PITPNM3: variants seen among roughly 807,000 people sequenced by gnomAD.
PITPNM3 encodes PITPNM family member 3.
In PITPNM3, 26 loss-of-function variants were observed where a neutral mutation model predicts 102.0. The ratio of observed to expected loss-of-function variants is 0.25; its 90% CI spans 0.19 to 0.35. The LOEUF (loss-of-function observed/expected upper bound fraction) is 0.35, where lower values mean the gene tolerates loss of function less well. PITPNM3 is among the 10% of genes least tolerant of loss of function. PITPNM3 has a pLI of 1.00. For synonymous variants in PITPNM3, 578 were observed against 558.6 expected (o/e 1.03, Z -0.49); for missense variants, 1,083 against 1,346.1 (o/e 0.80, Z 3.06).
At chr17:6,530,103 G>C (rs911095346) in intron 2 of PITPNM3, among the ~76,000 whole-genome samples, 1 of 152,210 alleles carries the variant, frequency 6.6e-6, no homozygotes, top group Non-Finnish European at 1.5e-5. Context: ...AGGAACCTGA[G>C]GCTCAGAGAC....
At chr17:6,473,029 A>G (rs1270287589) in intron 10 of PITPNM3, among the ~76,000 whole-genome samples, 5 of 152,204 alleles carry the variant, frequency 3.3e-5, no homozygotes, top group African/African-American at 1.2e-4. Flanking sequence ...CCAGCACTGC[A>G]GCCGTGCTGC....
intron 1 of PITPNM3, among the ~76,000 whole-genome samples, chr17:6,544,863 ACT>A (rs1388271109): frequency 7.5e-5 from 2 of 26,814 alleles, no homozygotes; most frequent in South Asian, 2.9e-3. Context: ...ACACACACAC[ACT>A]CACACACACA....
chr17:6,470,746 G>A lies in PITPNM3; in HGVS notation c.1625-338C>T, dbSNP rs140032663. On this transcript the variant is annotated intron_variant, in intron 12 of 19. Coordinates refer to ENST00000262483, the MANE Select transcript of PITPNM3 (RefSeq NM_031220.4). The surrounding 1 kb of genome is among the most constrained non-coding windows in gnomAD (Gnocchi z 4.8). ...GTTGGCGCTGAGTCTATGTCTGGAA[G>A]GTTCAGCACTTCCTTAATGGTCAGA... Among the ~76,000 whole-genome samples the A allele has an allele frequency of 2.1e-3, 313 of 152,326 alleles. 1 individual carries two copies. Among genetic ancestry groups the A allele is most frequent in the African/African-American group, 7.0e-3 (292 of 41,570 alleles).
At chr17:6,467,082 A>AAAAAAAAAAAAAAAAAAAAAC (rs1904821435) in intron 14 of PITPNM3, among the ~76,000 whole-genome samples, 2 of 122,836 alleles carry the variant, frequency 1.6e-5, no homozygotes, top group Non-Finnish European at 3.1e-5. Flanking sequence ...AAAAAAAACC[A>AAAAAAAAAAAAAAAAAAAAAC]AAAAAAAAAA....
intron 6 of PITPNM3, among the ~76,000 whole-genome samples, chr17:6,482,014 C>G (rs897574974): frequency 2.8e-5 from 3 of 106,122 alleles, no homozygotes; most frequent in African/African-American, 4.2e-5. Context: ...CTCTCTCTCT[C>G]TCTCTCTCTC....
intron 15 of PITPNM3, 34 bp from the exon 16 acceptor site, chr17:6,464,352 AG>A: frequency 6.2e-7 from 1 of 1,609,726 alleles, no homozygotes; most frequent in Non-Finnish European, 8.5e-7. Flanking sequence ...GACTCCCTGA[AG>A]GCTGAGGGGC....
intron 2 of PITPNM3, among the ~76,000 whole-genome samples, chr17:6,531,833 T>C (rs979227445): frequency 6.6e-6 from 1 of 152,140 alleles, no homozygotes; most frequent in Non-Finnish European, 1.5e-5. Flanking sequence ...TTGGGTGCAG[T>C]GGCTCACGCC....
chr17:6,472,769 G>T lies in PITPNM3; in HGVS notation c.1317C>A (p.Pro439=). ...GCAGTGGCTCGAGCCGTGAGGCAGAGGGGTCTGCGCAATGGAAGAAGCTGT... is the reference window on the plus strand; with the variant it reads ...GCAGTGGCTCGAGCCGTGAGGCAGATGGGTCTGCGCAATGGAAGAAGCTGT... The part of the protein sequence containing the change: ...QVYSFFHCAD[P]SASRLEPLLE... Residue 439 remains proline, a synonymous_variant, in exon 11 of 20, where the codon CCC becomes CCA. Transcript: ENST00000262483. This position sits in a 1 kb window ranked among gnomAD's most constrained non-coding sequence, Gnocchi z 4.1. 1 of 1,614,148 alleles carries T rather than the reference G, an allele frequency of 6.2e-7. No individual in the cohort carries two copies. The highest frequency in any genetic ancestry group is 8.5e-7 in the Non-Finnish European group (1 of 1,180,002).
intron 2 of PITPNM3, among the ~76,000 whole-genome samples, chr17:6,532,508 C>G (rs1909198490): frequency 6.6e-6 from 1 of 152,100 alleles, no homozygotes; most frequent in Non-Finnish European, 1.5e-5. Context: ...ACTCCCCATC[C>G]CCAGGCGACC....
At chr17:6,529,516 C>T (rs1022582355) in intron 2 of PITPNM3, among the ~76,000 whole-genome samples, 13 of 151,926 alleles carry the variant, frequency 8.6e-5, no homozygotes, top group Admixed American at 7.2e-4. Flanking sequence ...ATCGCTTGAA[C>T]CCGGGTGGCA....
At chr17:6,492,483 A>T (rs1023489033) in intron 4 of PITPNM3, among the ~76,000 whole-genome samples, 1 of 152,254 alleles carries the variant, frequency 6.6e-6, no homozygotes, top group East Asian at 1.9e-4. Flanking sequence ...GAGGGAGTAT[A>T]AAAGGATAAG....
intron 8 of PITPNM3, among the ~76,000 whole-genome samples, 158 bp from the exon 9 acceptor site, chr17:6,477,371 G>C (rs893820694): frequency 2.0e-5 from 3 of 152,102 alleles, no homozygotes; most frequent in African/African-American, 7.2e-5. Flanking sequence ...TTGCAATCAT[G>C]GTAGGATTTT....
At chr17:6,508,339 T>A (rs1254334627) in intron 3 of PITPNM3, among the ~76,000 whole-genome samples, 1 of 152,158 alleles carries the variant, frequency 6.6e-6, no homozygotes, top group Non-Finnish European at 1.5e-5. Flanking sequence ...GCACATGAAA[T>A]CGTTGGCTTC....
At position 6,537,906 on chromosome 17, in the gene PITPNM3, G is replaced by T; in HGVS notation, c.118+81C>A. On this transcript the variant is annotated intron_variant, in intron 2 of 19. Transcript: ENST00000262483. This position sits in a 1 kb window ranked among gnomAD's most constrained non-coding sequence, Gnocchi z 4.4. ...ATACCACGTCTGAGTGGGGAGGGATGCGGACCCCCAAATGGGATCTTCTTC... is the reference window on the plus strand; with the variant it reads ...ATACCACGTCTGAGTGGGGAGGGATTCGGACCCCCAAATGGGATCTTCTTC... 1.7e-6 allele frequency: 2 copies of T among 1,180,326 alleles called. No homozygotes were observed. Among genetic ancestry groups the T allele is most frequent in the Non-Finnish European group, 1.2e-6 (1 of 801,256 alleles). 73.1% of individuals were successfully genotyped at this position (1,180,326 alleles called of 1,614,324 possible).
chr17:6,514,342 T>C (rs1908033166), intron 3 of PITPNM3, among the ~76,000 whole-genome samples: 3 of 150,396 alleles, frequency 2.0e-5, no homozygotes, highest in African/African-American at 7.3e-5. Context: ...ACCCACAAAA[T>C]GGGAGAAAGC....
chr17:6,540,733 A>C (rs1193197866), intron 1 of PITPNM3, among the ~76,000 whole-genome samples: 1 of 152,194 alleles, frequency 6.6e-6, no homozygotes, highest in Non-Finnish European at 1.5e-5. Context: ...ATCTTGGCTC[A>C]CTGCAACCTT....
At chr17:6,540,557 T>C (rs1360526891) in intron 1 of PITPNM3, among the ~76,000 whole-genome samples, 1 of 152,248 alleles carries the variant, frequency 6.6e-6, no homozygotes, top group Non-Finnish European at 1.5e-5. Context: ...CCTTTTATTA[T>C]TGCGGCTCTC....
chr17:6,545,061 T>A (rs2150674684), intron 1 of PITPNM3, among the ~76,000 whole-genome samples: 1 of 152,212 alleles, frequency 6.6e-6, no homozygotes, highest in Middle Eastern at 3.4e-3. Context: ...GAAACCACCA[T>A]CCCGCTCCCA....
intron 1 of PITPNM3, among the ~76,000 whole-genome samples, chr17:6,554,763 C>T (rs1459401286): frequency 1.3e-5 from 2 of 152,142 alleles, no homozygotes; most frequent in African/African-American, 4.8e-5. Context: ...CTGCCCAGAC[C>T]CTCTAAGCCA....
Sources: allele counts gnomAD v4.1 joint callset (sites outside exome capture counted in the v4.1 genomes callset), GRCh38; gene constraint gnomAD v4.1.1; non-coding constraint Gnocchi (gnomAD v3.1); transcripts MANE v1.5; gene names NCBI Gene and HGNC (gene_info 2026-07-23, HGNC 2026-07-21).